The following SOS2 variants were observed in gnomAD, a reference collection of about 807,000 sequenced individuals.
SOS2 encodes the protein son of sevenless homolog 2.
Under a neutral mutation model 148.2 loss-of-function variants are expected in SOS2, and 65 were observed. That is an observed-to-expected ratio of 0.44 (90% CI 0.36 to 0.54). SOS2 has a LOEUF of 0.54. Among genes scored for constraint, SOS2 ranks in the 20% least tolerant of loss-of-function variants. The probability of loss-of-function intolerance (pLI) is 0.00; values close to 1 mark genes in which losing one functional copy is unlikely to be tolerated. For missense variants in SOS2, 1,341 were observed against 1,590.2 expected (o/e 0.84, Z 2.67); for synonymous variants, 539 against 537.1 (o/e 1.00, Z -0.05).
chr14:50,203,064 C>T (rs1410067873), intron 2 of SOS2, among the ~76,000 whole-genome samples: 1 of 151,916 alleles, frequency 6.6e-6, no homozygotes, highest in Non-Finnish European at 1.5e-5. Context: ...GAGGCTGAGG[C>T]TGGAGGACAA....
chr14:50,139,652 CATAG>C (rs1884204624), intron 17 of SOS2, among the ~76,000 whole-genome samples: 1 of 152,160 alleles, frequency 6.6e-6, no homozygotes, highest in Non-Finnish European at 1.5e-5. Context: ...GTAGATGTGA[CATAG>C]ATAGTTATGA....
intron 4 of SOS2, 53 bp from the exon 5 acceptor site, chr14:50,188,753 A>T (rs2139734904): frequency 8.0e-7 from 1 of 1,251,838 alleles, no homozygotes; most frequent in Non-Finnish European, 1.1e-6. Context: ...CTTTTATAAA[A>T]ACTGCCTCAA....
intron 7 of SOS2, 35 bp downstream of exon 7, chr14:50,180,533 TAAAA>T: frequency 4.1e-5 from 17 of 416,672 alleles, no homozygotes; most frequent in South Asian, 1.4e-4. Flanking sequence ...TTTGCTTTAT[TAAAA>T]AAAAAAAAAA....
intron 5 of SOS2, among the ~76,000 whole-genome samples, chr14:50,184,119 G>C (rs768973879): frequency 1.3e-5 from 2 of 152,192 alleles, no homozygotes; most frequent in South Asian, 4.1e-4. Context: ...CAGGATTACT[G>C]TCATATATAT....
In SOS2 at chr14:50,130,505, G is replaced by GGAGCT; in HGVS notation, c.3328_3332dup (p.Cys1112AlafsTer30). The stretch of plus-strand genomic sequence containing the variant: ...CGGTTTACATCAAATACTTACCACA[G>GGAGCT]GAGCTGTTGAGATCCACATCTAAAA... On this transcript the variant is annotated frameshift_variant, in exon 20 of 23. Transcript: ENST00000216373. LOFTEE classifies it high-confidence loss of function. The GGAGCT allele has an allele frequency of 6.2e-7, 1 of 1,613,260 alleles. No individual in the cohort carries two copies.
chr14:50,188,704 A>T lies in SOS2; in HGVS notation c.511-4T>A. The T allele has an allele frequency of 6.4e-7, 1 of 1,572,668 alleles. No individual in the cohort carries two copies. Among genetic ancestry groups the T allele is most frequent in the South Asian group, 1.2e-5 (1 of 85,424 alleles). ...GATCAAACATGTCCATCAAAACCTG[A>T]GAAACAGAAATCAATAATGTATAAA... On this transcript the variant is annotated splice_polypyrimidine_tract_variant and splice_region_variant and intron_variant, in intron 4 of 22. Transcript: ENST00000216373.
intron 21 of SOS2, among the ~76,000 whole-genome samples, chr14:50,121,705 G>A (rs1883520052): frequency 6.6e-6 from 1 of 151,578 alleles, no homozygotes. Flanking sequence ...GTCAAAAATT[G>A]CTATCTCAGT....
intron 8 of SOS2, among the ~76,000 whole-genome samples, chr14:50,169,031 G>A (rs971899625): frequency 6.6e-6 from 1 of 152,184 alleles, no homozygotes; most frequent in African/African-American, 2.4e-5. Context: ...ACATTGTTAG[G>A]CCTGGTGCAG....
At chr14:50,121,224 A>C (rs964471196) in intron 21 of SOS2, among the ~76,000 whole-genome samples, 131 of 152,294 alleles carry the variant, frequency 8.6e-4, no homozygotes, top group African/African-American at 3.1e-3. Flanking sequence ...ATGACAGGAA[A>C]ATACCCCTAA....
chr14:50,200,671 C>A (rs1418223836), intron 3 of SOS2, among the ~76,000 whole-genome samples: 10 of 151,224 alleles, frequency 6.6e-5, no homozygotes, highest in African/African-American at 2.4e-4. Flanking sequence ...CACAGCAAGA[C>A]CCTGTCTCTA....
In SOS2 at chr14:50,158,578, A is replaced by G; in HGVS notation, c.1921T>C (p.Leu641=). ...SFCKPQELLS[L]LIERFEIPEP... Reference sequence around the variant, plus strand: ...TATTTTTCTTACCGTTCAATCAGTAAGCTCAGCAATTCCTGTGGTTTACAA... The same window carrying G: ...TATTTTTCTTACCGTTCAATCAGTAGGCTCAGCAATTCCTGTGGTTTACAA... Residue 641 remains leucine, a synonymous_variant, in exon 11 of 23, where the codon TTA becomes CTA. Coordinates refer to ENST00000216373, the MANE Select transcript of SOS2 (RefSeq NM_006939.4). The G allele has an allele frequency of 6.3e-7, 1 of 1,593,946 alleles. No individual in the cohort carries two copies. Among genetic ancestry groups the G allele is most frequent in the East Asian group, 2.2e-5 (1 of 44,652 alleles).
At chr14:50,177,379 T>C (rs1176220011) in intron 7 of SOS2, among the ~76,000 whole-genome samples, 1 of 152,202 alleles carries the variant, frequency 6.6e-6, no homozygotes, top group African/African-American at 2.4e-5. Flanking sequence ...TTGTTTTTAG[T>C]TTTATTAAGG....
chr14:50,214,826 G>A (rs551798599), intron 1 of SOS2, among the ~76,000 whole-genome samples: 70 of 147,604 alleles, frequency 4.7e-4, no homozygotes, highest in Non-Finnish European at 9.0e-4. Flanking sequence ...AGGCAAGGTT[G>A]TTTCTTTCTT....
chr14:50,180,548 A>AG, intron 7 of SOS2, 24 bp downstream of exon 7: 2 of 1,076,706 alleles, frequency 1.9e-6, no homozygotes, highest in Non-Finnish European at 2.7e-6. Context: ...AAAAAAAAAA[A>AG]AAAAACCTTC....
Position 50,158,570 on chromosome 14 carries a change from A to T in SOS2, c.1929T>A (p.Ile643=). The T allele has an allele frequency of 6.3e-7, 1 of 1,579,930 alleles. No homozygotes were observed. Among genetic ancestry groups the T allele is most frequent in the Non-Finnish European group, 8.6e-7 (1 of 1,156,544 alleles). The change falls in exon 11 of 23, where the codon ATT becomes ATA. Residue 643 remains isoleucine, a synonymous_variant. Coordinates refer to ENST00000216373, the MANE Select transcript of SOS2 (RefSeq NM_006939.4). ...GAAATACATATTTTTCTTACCGTTC[A>T]ATCAGTAAGCTCAGCAATTCCTGTG... ...CKPQELLSLL[I]ERFEIPEPEP... is the part of the protein sequence containing the mutation.
At chr14:50,160,685 C>T (rs1343353468) in intron 9 of SOS2, among the ~76,000 whole-genome samples, 4 of 152,120 alleles carry the variant, frequency 2.6e-5, no homozygotes, top group African/African-American at 9.7e-5. Context: ...CCGTGCCCAG[C>T]CAACAATGCT....
At chr14:50,225,668 C>T (rs1180370319) in intron 1 of SOS2, among the ~76,000 whole-genome samples, 3 of 152,170 alleles carry the variant, frequency 2.0e-5, no homozygotes, top group Non-Finnish European at 2.9e-5. Context: ...TCGAGTTCTA[C>T]TGTTACATTC....
chr14:50,159,634 C>G lies in SOS2; in HGVS notation c.1649G>C (p.Arg550Pro). The G allele has an allele frequency of 6.2e-7, 1 of 1,613,552 alleles. No individual in the cohort carries two copies. Among genetic ancestry groups the G allele is most frequent in the Non-Finnish European group, 8.5e-7 (1 of 1,179,612 alleles). Residue 550 changes from arginine (R) to proline (P), a missense_variant, in exon 10 of 23, where the codon CGA (arginine) becomes CCA (proline). Transcript: ENST00000216373. Reference sequence around the variant, plus strand: ...TTTCAATAATACTGAATCTAACATTCGATCTAGAGTACTACGATAATGAAG... The same window carrying G: ...TTTCAATAATACTGAATCTAACATTGGATCTAGAGTACTACGATAATGAAG... ...ISLHYRSTLD[R>P]MLDSVLLKEE...
At chr14:50,156,313 G>T (rs1594977984) in intron 12 of SOS2, 1 of 151,808 alleles carries the variant, frequency 6.6e-6, no homozygotes, top group Admixed American at 6.6e-5. Flanking sequence ...TCTGAATCTT[G>T]TCCTGCCACT....
Sources: gnomAD v4.1 joint callset for allele counts (sites outside exome capture counted in the v4.1 genomes callset) on GRCh38, gnomAD v4.1.1 for gene constraint, MANE v1.5 for transcripts, NCBI Gene and HGNC (gene_info 2026-07-23, HGNC 2026-07-21) for gene names.